Variants in PRKCE observed in about 807,000 individuals in gnomAD.
PRKCE encodes the protein protein kinase C epsilon.
PRKCE carries 16 observed loss-of-function variants against 85.4 expected under a neutral mutation model. The observed-to-expected ratio is 0.19, with a 90% CI of 0.13 to 0.28. The LOEUF (loss-of-function observed/expected upper bound fraction) is 0.28, where lower values mean the gene tolerates loss of function less well. PRKCE is among the 10% of genes least tolerant of loss of function. The pLI, the probability that PRKCE is intolerant of heterozygous loss-of-function variation, is 1.00. For synonymous variants in PRKCE, 388 were observed against 371.5 expected (o/e 1.04, Z -0.51); for missense variants, 573 against 975.2 (o/e 0.59, Z 5.49).
At chr2:46,173,090 ACTGCAG>A (rs372674899) in intron 14 of PRKCE, among the ~76,000 whole-genome samples, 34 of 152,256 alleles carry the variant, frequency 2.2e-4, no homozygotes, top group African/African-American at 8.2e-4. Flanking sequence ...GGGTCTGCGA[ACTGCAG>A]CCCAGGGCCA....
intron 2 of PRKCE, among the ~76,000 whole-genome samples, chr2:45,876,112 T>A (rs1313524084): frequency 3.9e-5 from 6 of 152,228 alleles, no homozygotes. Flanking sequence ...TGAGTACCTG[T>A]ATTTAAGATA....
chr2:45,705,561 C>T (rs1349884852), intron 1 of PRKCE, among the ~76,000 whole-genome samples: 4 of 152,186 alleles, frequency 2.6e-5, no homozygotes, highest in Non-Finnish European at 5.9e-5. Flanking sequence ...AGGAGGGAGG[C>T]ATGACAAATC....
At chr2:46,178,774 A>G (rs1679685624) in intron 14 of PRKCE, among the ~76,000 whole-genome samples, 1 of 152,206 alleles carries the variant, frequency 6.6e-6, no homozygotes, top group South Asian at 2.1e-4. Context: ...CGGCCAATGA[A>G]CGTTAAGTAT....
chr2:45,982,232 C>T (rs1046636247), intron 5 of PRKCE, among the ~76,000 whole-genome samples: 4 of 144,586 alleles, frequency 2.8e-5, no homozygotes, highest in African/African-American at 5.3e-5. Context: ...TGCCCTCTGC[C>T]GGGTTACTGA....
intron 2 of PRKCE, among the ~76,000 whole-genome samples, chr2:45,950,675 T>C (rs1221535366): frequency 2.0e-5 from 3 of 152,100 alleles, no homozygotes; most frequent in African/African-American, 7.2e-5. Context: ...TGAAAAAGGT[T>C]ACTTCAAGCA....
At position 45,786,995 on chromosome 2, in the gene PRKCE, C is replaced by T. The variant is rs1686649965; in HGVS notation, c.349-56005C>T. 1.3e-5 allele frequency among the ~76,000 whole-genome samples: 2 copies of T among 152,226 alleles called. No homozygotes were observed. Among genetic ancestry groups the T allele is most frequent in the African/African-American group, 4.8e-5 (2 of 41,452 alleles). ...GGCTTTGGTTCAAGTCGGGATTTCC[C>T]ATCGGTTTCCCCTGGATCCGATGAT... On this transcript the variant is annotated intron_variant, in intron 1 of 14. Transcript: ENST00000306156. The surrounding 1 kb of genome is among the most constrained non-coding windows in gnomAD (Gnocchi z 5.3).
chr2:45,660,277 G>C (rs1249348295), intron 1 of PRKCE, among the ~76,000 whole-genome samples: 2 of 152,156 alleles, frequency 1.3e-5, no homozygotes, highest in Non-Finnish European at 2.9e-5. Context: ...GGAGGAAGGA[G>C]AAAAGGATAT....
chr2:46,124,720 T>G lies in PRKCE; in HGVS notation c.1593-20373T>G, dbSNP rs554581468. 1.1e-4 allele frequency among the ~76,000 whole-genome samples: 16 copies of G among 152,358 alleles called. No homozygotes were observed. The South Asian group carries it at 3.3e-3, about 32-fold the overall frequency. On this transcript the variant is annotated intron_variant, in intron 11 of 14. Transcript: ENST00000306156. ...CTACTTGTGACAAACTACAAACTCT[T>G]TGAAGACTGGGCTCATTCCCAGTCT...
intron 5 of PRKCE, among the ~76,000 whole-genome samples, chr2:45,984,285 A>C (rs568530150): frequency 6.6e-6 from 1 of 152,284 alleles, no homozygotes; most frequent in South Asian, 2.1e-4. Flanking sequence ...AAAGTCCTGA[A>C]GTCCTGGAGA....
chr2:45,825,610 C>T (rs1412341186), intron 1 of PRKCE, among the ~76,000 whole-genome samples: 2 of 152,144 alleles, frequency 1.3e-5, no homozygotes, highest in Non-Finnish European at 1.5e-5. Flanking sequence ...GCAGCTGGGC[C>T]CAGTAGCTTG....
chr2:45,805,103 C>T (rs1688144802), intron 1 of PRKCE, among the ~76,000 whole-genome samples: 1 of 152,110 alleles, frequency 6.6e-6, no homozygotes. Context: ...ATAGCTAAGT[C>T]ATAACTGTCT....
intron 1 of PRKCE, among the ~76,000 whole-genome samples, chr2:45,653,370 G>GTTTTTTT (rs34888247): frequency 0.023 from 1,430 of 61,412 alleles, 172 homozygotes; most frequent in East Asian, 0.031. Flanking sequence ...TTTTTGGGTT[G>GTTTTTTT]TTTTTTTTTT....
chr2:46,182,299 A>C (rs1680061370), intron 14 of PRKCE, among the ~76,000 whole-genome samples: 2 of 152,038 alleles, frequency 1.3e-5, no homozygotes, highest in African/African-American at 4.8e-5. Flanking sequence ...AGGTGTCGCC[A>C]CACCCTTTGC....
Position 46,172,391 on chromosome 2 carries a change from G to C in PRKCE, c.2068-12344G>C, listed in dbSNP as rs1408693794. On this transcript the variant is annotated intron_variant, in intron 14 of 14. Transcript: ENST00000306156. ...ATCCATAATCAGGTGGCCCCATGTG[G>C]CTGGAATGTATACTTTATATTTTTG... is the stretch of plus-strand genomic sequence containing the variant. 4.6e-5 allele frequency among the ~76,000 whole-genome samples: 7 copies of C among 152,348 alleles called. No individual in the cohort carries two copies. The East Asian group carries it at 1.3e-3, about 29-fold the overall frequency.
At chr2:45,888,683 C>G (rs968334078) in intron 2 of PRKCE, among the ~76,000 whole-genome samples, 2 of 152,068 alleles carry the variant, frequency 1.3e-5, no homozygotes, top group East Asian at 3.9e-4. Flanking sequence ...AACTCCTGGC[C>G]TCTGGTGATC....
At chr2:46,098,391 G>A (rs1670909009) in intron 11 of PRKCE, among the ~76,000 whole-genome samples, 2 of 152,092 alleles carry the variant, frequency 1.3e-5, no homozygotes, top group African/African-American at 2.4e-5. Flanking sequence ...AGTAACAACT[G>A]GTTCTAGTAC....
rs550809407 is a variant in PRKCE, at chr2:45,728,945, A to C, written c.348+76497A>C. ...GGTGGCACTGGGGCACTGGCTCCTA[A>C]CTGGTAGGCTGTGCTGCACTGTGTT... is the stretch of plus-strand genomic sequence containing the variant. On this transcript the variant is annotated intron_variant, in intron 1 of 14. Coordinates refer to ENST00000306156, the MANE Select transcript of PRKCE (RefSeq NM_005400.3). 2.0e-5 allele frequency among the ~76,000 whole-genome samples: 3 copies of C among 152,268 alleles called. No homozygotes were observed. The South Asian group carries it at 6.2e-4, about 32-fold the overall frequency.
chr2:45,795,507 A>G (rs998732647), intron 1 of PRKCE, among the ~76,000 whole-genome samples: 3 of 152,030 alleles, frequency 2.0e-5, no homozygotes, highest in Non-Finnish European at 4.4e-5. Flanking sequence ...ATGGGGTTTC[A>G]TCATGTTGGC....
intron 1 of PRKCE, among the ~76,000 whole-genome samples, chr2:45,753,099 G>T (rs1389810214): frequency 2.0e-5 from 3 of 152,144 alleles, no homozygotes; most frequent in African/African-American, 7.2e-5. Flanking sequence ...TAGGGTGTAT[G>T]CATGTATATA....
Sources: gnomAD v4.1 joint callset for allele counts (sites outside exome capture counted in the v4.1 genomes callset) on GRCh38, gnomAD v4.1.1 for gene constraint, Gnocchi (gnomAD v3.1) non-coding constraint, MANE v1.5 for transcripts, NCBI Gene and HGNC (gene_info 2026-07-23, HGNC 2026-07-21) for gene names.